GALNT13: variants seen among roughly 807,000 people sequenced by gnomAD.
GALNT13 encodes polypeptide N-acetylgalactosaminyltransferase 13, also known as UDP-GalNAc:polypeptide N-acetylgalactosaminyltransferase 13.
GALNT13 carries 28 observed loss-of-function variants against 64.2 expected under a neutral mutation model. The observed-to-expected ratio is 0.44, with a 90% confidence interval of 0.32 to 0.60. The LOEUF is 0.60. GALNT13 is among the 20% of genes least tolerant of loss of function. The pLI, the probability that GALNT13 is intolerant of heterozygous loss-of-function variation, is 0.05. For synonymous variants in GALNT13, 214 were observed against 224.6 expected (o/e 0.95, Z 0.42); for missense variants, 577 against 669.8 (o/e 0.86, Z 1.53).
chr2:154,229,556 G>C (rs1333334177), intron 4 of GALNT13, among the ~76,000 whole-genome samples: 1 of 152,018 alleles, frequency 6.6e-6, no homozygotes, highest in Non-Finnish European at 1.5e-5. Flanking sequence ...ATTTATATAA[G>C]AAGGAAAGGC....
At chr2:153,724,380 AG>A in the GALNT13 span, among the ~76,000 whole-genome samples, 1 of 124,762 alleles carries the variant, frequency 8.0e-6, no homozygotes, top group Non-Finnish European at 1.6e-5. Context: ...ATTACCATTC[AG>A]GACATAGGCG....
chr2:153,204,368 G>A, the GALNT13 span, among the ~76,000 whole-genome samples: 1 of 151,910 alleles, frequency 6.6e-6, no homozygotes, highest in African/African-American at 2.4e-5. Context: ...CAGAAGAAAG[G>A]CTTCTGTTTC....
At chr2:154,180,763 T>A (rs1435660922) in intron 4 of GALNT13, among the ~76,000 whole-genome samples, 3 of 152,190 alleles carry the variant, frequency 2.0e-5, no homozygotes, top group East Asian at 3.9e-4. Context: ...ATTTTTATTT[T>A]TTCCTAATAT....
rs115190304 is a variant in GALNT13, at chr2:154,255,671, T to C, written c.858-3350T>C. Among the ~76,000 whole-genome samples, 200 of 152,066 alleles carry C rather than the reference T, an allele frequency of 1.3e-3. 2 individuals are homozygous for C. Among genetic ancestry groups the C allele is most frequent in the Non-Finnish European group, 1.6e-3 (110 of 67,966 alleles). On this transcript the variant is annotated intron_variant, in intron 7 of 12. Coordinates refer to ENST00000392825, the MANE Select transcript of GALNT13 (RefSeq NM_052917.4). ...TTTTTAAACATGTTGAGCTAGAGATTGAAGGAGTTTAGATTTCATGATTGA... is the reference window on the plus strand; with the variant it reads ...TTTTTAAACATGTTGAGCTAGAGATCGAAGGAGTTTAGATTTCATGATTGA...
the GALNT13 span, among the ~76,000 whole-genome samples, chr2:153,625,110 A>G: frequency 6.6e-6 from 1 of 152,210 alleles, no homozygotes; most frequent in Admixed American, 6.6e-5. Context: ...TAGTCAGTAA[A>G]CAATTTAATT....
chr2:153,521,035 A>T, the GALNT13 span, among the ~76,000 whole-genome samples: 7 of 152,284 alleles, frequency 4.6e-5, no homozygotes, highest in East Asian at 1.2e-3. Flanking sequence ...ACCCTATTTT[A>T]TACTTTTAAA....
At chr2:153,533,723 C>CTTTTTTTTTTT in the GALNT13 span, among the ~76,000 whole-genome samples, 184 of 48,672 alleles carry the variant, frequency 3.8e-3, 38 homozygotes, top group African/African-American at 6.8e-3. Flanking sequence ...TGAGGTTTTT[C>CTTTTTTTTTTT]TTTTTTTTTT....
chr2:154,226,500 G>GA (rs1451682379), intron 4 of GALNT13, among the ~76,000 whole-genome samples: 1 of 151,942 alleles, frequency 6.6e-6, no homozygotes, highest in African/African-American at 2.4e-5. Context: ...AATACAAAGA[G>GA]AAAAAACAAT....
At chr2:154,303,848 TC>T in intron 9 of GALNT13, among the ~76,000 whole-genome samples, 1 of 151,898 alleles carries the variant, frequency 6.6e-6, no homozygotes, top group South Asian at 2.1e-4. Context: ...AAACTCTGCC[TC>T]CCGGTTCAAG....
intron 2 of GALNT13, among the ~76,000 whole-genome samples, chr2:153,933,038 A>G (rs1690644783): frequency 6.6e-6 from 1 of 152,116 alleles, no homozygotes; most frequent in African/African-American, 2.4e-5. Context: ...TTTATGGGTG[A>G]ACATGTGATT....
At chr2:154,401,585 T>C (rs528868026) in intron 10 of GALNT13, among the ~76,000 whole-genome samples, 67 of 152,246 alleles carry the variant, frequency 4.4e-4, no homozygotes, top group Middle Eastern at 3.4e-3. Flanking sequence ...CTATTTTTAT[T>C]ACTTGAAAAT....
chr2:154,456,547 C>T (rs550220435), downstream of GALNT13, among the ~76,000 whole-genome samples: 1 of 152,064 alleles, frequency 6.6e-6, no homozygotes, highest in South Asian at 2.1e-4. Context: ...GATTAAGTGC[C>T]TATGAATATC....
chr2:154,356,391 A>G (rs979320520), intron 9 of GALNT13, among the ~76,000 whole-genome samples: 1 of 152,134 alleles, frequency 6.6e-6, no homozygotes, highest in Non-Finnish European at 1.5e-5. Flanking sequence ...GTTATGAGAA[A>G]TCTAGACACA....
the GALNT13 span, among the ~76,000 whole-genome samples, chr2:153,225,453 C>T: frequency 6.6e-6 from 1 of 152,178 alleles, no homozygotes; most frequent in Non-Finnish European, 1.5e-5. Flanking sequence ...CCTCCTCTCT[C>T]ACCACTCCTA....
the GALNT13 span, among the ~76,000 whole-genome samples, chr2:153,383,451 G>T: frequency 6.6e-6 from 1 of 152,006 alleles, no homozygotes; most frequent in East Asian, 1.9e-4. Flanking sequence ...GGTTAATTAT[G>T]TAAAGGTATA....
the GALNT13 span, among the ~76,000 whole-genome samples, chr2:153,643,394 G>T: frequency 3.4e-4 from 51 of 151,422 alleles, no homozygotes; most frequent in Admixed American, 1.1e-3. Flanking sequence ...CATTAAAATA[G>T]TACATGGAAA....
intron 3 of GALNT13, among the ~76,000 whole-genome samples, chr2:153,971,832 A>C (rs1262559378): frequency 6.6e-6 from 1 of 152,118 alleles, no homozygotes; most frequent in Non-Finnish European, 1.5e-5. Context: ...AAAAAAAATC[A>C]TGTCAACCTG....
At chr2:153,591,720 G>A in the GALNT13 span, among the ~76,000 whole-genome samples, 2 of 152,052 alleles carry the variant, frequency 1.3e-5, no homozygotes, top group East Asian at 3.9e-4. Context: ...ACCCCAAACT[G>A]TAAAAACACT....
chr2:153,193,942 A>C, the GALNT13 span, among the ~76,000 whole-genome samples: 1 of 151,416 alleles, frequency 6.6e-6, no homozygotes. Flanking sequence ...CTGGCCTATA[A>C]GATTTCTGCT....
Sources: gnomAD v4.1 joint callset for allele counts (sites outside exome capture counted in the v4.1 genomes callset) on GRCh38, gnomAD v4.1.1 for gene constraint, MANE v1.5 for transcripts, NCBI Gene and HGNC (gene_info 2026-07-23, HGNC 2026-07-21) for gene names.